The following UFSP2 variants were observed in gnomAD, a reference collection of about 807,000 sequenced individuals.
UFSP2 encodes ufm1-specific protease 2.
A neutral mutation model predicts 60.2 loss-of-function variants in UFSP2; 43 were observed. The observed-to-expected ratio is 0.71, with a 90% confidence interval of 0.56 to 0.92. The LOEUF (loss-of-function observed/expected upper bound fraction) is 0.92. UFSP2 is among the 40% of genes least tolerant of loss of function. UFSP2 has a pLI of 0.00. For synonymous variants in UFSP2, 183 were observed against 195.1 expected (o/e 0.94, Z 0.52); for missense variants, 520 against 575.0 (o/e 0.90, Z 0.98).
intron 4 of UFSP2, among the ~76,000 whole-genome samples, chr4:185,417,915 G>A (rs1329836213): frequency 6.6e-6 from 1 of 151,980 alleles, no homozygotes; most frequent in African/African-American, 2.4e-5. Context: ...ATGGTGGCAG[G>A]TGCCTGTAAT....
At position 185,403,479 on chromosome 4, in the gene UFSP2, T is replaced by G; in HGVS notation, c.1323+15A>C. 4 of 1,609,128 alleles carry G rather than the reference T, an allele frequency of 2.5e-6. No homozygotes were observed. The highest frequency in any genetic ancestry group is 3.4e-6 in the Non-Finnish European group (4 of 1,178,546). On this transcript the variant is annotated intron_variant, in intron 11 of 11. Coordinates refer to ENST00000264689, the MANE Select transcript of UFSP2 (RefSeq NM_018359.5). ...CTTTGCCTTTTGTCTCAATTTGTGT[T>G]AAATGGATACTTACCTTTTCCAAAA...
At chr4:185,404,043 C>CA (rs1250577441) in intron 10 of UFSP2, among the ~76,000 whole-genome samples, 1 of 150,152 alleles carries the variant, frequency 6.7e-6, no homozygotes, top group Non-Finnish European at 1.5e-5. Context: ...GACTACCCTA[C>CA]ACTATAAAAG....
chr4:185,423,763 CAT>C (rs777762052), intron 1 of UFSP2, among the ~76,000 whole-genome samples: 2 of 151,914 alleles, frequency 1.3e-5, no homozygotes, highest in Non-Finnish European at 2.9e-5. Flanking sequence ...TTTGTGTACA[CAT>C]ATATACACAC....
At chr4:185,411,631 A>G (rs944874037) in intron 7 of UFSP2, among the ~76,000 whole-genome samples, 4 of 152,214 alleles carry the variant, frequency 2.6e-5, no homozygotes, top group African/African-American at 9.7e-5. Flanking sequence ...AAGGGTAAAT[A>G]ATATATCTAT....
chr4:185,417,015 T>C (rs1463374493), intron 4 of UFSP2, among the ~76,000 whole-genome samples: 1 of 152,220 alleles, frequency 6.6e-6, no homozygotes, highest in East Asian at 1.9e-4. Context: ...ATGTAGTTTC[T>C]TCCCACAAGA....
chr4:185,423,138 C>T (rs1170360598), intron 1 of UFSP2, among the ~76,000 whole-genome samples: 1 of 152,200 alleles, frequency 6.6e-6, no homozygotes, highest in Non-Finnish European at 1.5e-5. Context: ...GGATTGCAGG[C>T]GTGAGCCACC....
intron 1 of UFSP2, among the ~76,000 whole-genome samples, chr4:185,423,920 C>T (rs1454600629): frequency 6.6e-6 from 1 of 152,116 alleles, no homozygotes; most frequent in African/African-American, 2.4e-5. Context: ...AAACATATCT[C>T]TCAAACAGGC....
intron 7 of UFSP2, among the ~76,000 whole-genome samples, chr4:185,410,447 G>C (rs1382160257): frequency 6.6e-6 from 1 of 151,154 alleles, no homozygotes; most frequent in East Asian, 2.0e-4. Flanking sequence ...TCAGGAGTTC[G>C]AGACCAGCCT....
intron 1 of UFSP2, among the ~76,000 whole-genome samples, chr4:185,425,392 G>T (rs1429023828): frequency 1.3e-5 from 2 of 152,124 alleles, no homozygotes; most frequent in Non-Finnish European, 2.9e-5. Flanking sequence ...CTAACTTAGA[G>T]ATAAAATTTT....
intron 11 of UFSP2, among the ~76,000 whole-genome samples, chr4:185,400,945 G>C (rs558823088): frequency 2.0e-4 from 31 of 152,250 alleles, no homozygotes; most frequent in Admixed American, 1.0e-3. Context: ...CAAATTCCAG[G>C]TGTTACTCAA....
In UFSP2 at chr4:185,400,039, G is replaced by A. The variant is rs767302840; in HGVS notation, c.*353C>T. ...CAGATGTCACGTGGGTTATGAAGAAGTCTGAAGAACGCCTTCATTTCATGC... is the reference window on the plus strand; with the variant it reads ...CAGATGTCACGTGGGTTATGAAGAAATCTGAAGAACGCCTTCATTTCATGC... On this transcript the variant is annotated 3_prime_UTR_variant, in exon 12 of 12. Transcript: ENST00000264689. 6.3e-7 allele frequency: 1 copy of A among 1,588,270 alleles called. No individual in the cohort carries two copies. Among genetic ancestry groups the A allele is most frequent in the Non-Finnish European group, 8.6e-7 (1 of 1,163,756 alleles).
intron 7 of UFSP2, 141 bp from the exon 8 acceptor site, chr4:185,408,576 G>T: frequency 1.1e-6 from 1 of 871,208 alleles, no homozygotes; most frequent in Non-Finnish European, 1.7e-6. Context: ...ACAGATCTAT[G>T]GTTTAACATT....
intron 10 of UFSP2, 101 bp downstream of exon 10, chr4:185,405,679 A>G: frequency 7.3e-7 from 1 of 1,373,644 alleles, no homozygotes; most frequent in South Asian, 1.3e-5. Context: ...TAATTTCAAA[A>G]TTTTTTAAAT....
At chr4:185,420,702 T>G (rs2095547858) in intron 2 of UFSP2, among the ~76,000 whole-genome samples, 1 of 152,236 alleles carries the variant, frequency 6.6e-6, no homozygotes, top group African/African-American at 2.4e-5. Context: ...AAGGACTATT[T>G]GGTAAAGTTA....
At chr4:185,403,037 C>T (rs1023228342) in intron 11 of UFSP2, among the ~76,000 whole-genome samples, 3 of 152,160 alleles carry the variant, frequency 2.0e-5, no homozygotes, top group Non-Finnish European at 4.4e-5. Flanking sequence ...GTATCAACTT[C>T]AAACCCTTTA....
intron 1 of UFSP2, among the ~76,000 whole-genome samples, chr4:185,425,555 C>G (rs1055807008): frequency 7.2e-5 from 11 of 152,210 alleles, no homozygotes; most frequent in African/African-American, 2.7e-4. Context: ...AAAGTTGCGC[C>G]TGTCCCAGGT....
Position 185,399,982 on chromosome 4 carries a change from A to T in UFSP2, c.*410T>A. 6.3e-7 allele frequency: 1 copy of T among 1,597,212 alleles called. No homozygotes were observed. Among genetic ancestry groups the T allele is most frequent in the Non-Finnish European group, 8.5e-7 (1 of 1,175,562 alleles). ...TTTGGGGATAAAACTCTTTTTAAAA[A>T]AAAGTTTTTAATGTTAACGTGTTTT... On this transcript the variant is annotated 3_prime_UTR_variant, in exon 12 of 12. Transcript: ENST00000264689.
chr4:185,413,964 T>A, intron 6 of UFSP2, 92 bp from the exon 7 acceptor site: 1 of 1,173,826 alleles, frequency 8.5e-7, no homozygotes, highest in Non-Finnish European at 1.1e-6. Flanking sequence ...CATGGAAAAT[T>A]ATATATAGGT....
Position 185,418,639 on chromosome 4 carries a change from G to A in UFSP2, c.214C>T (p.Pro72Ser). The A allele has an allele frequency of 6.2e-7, 1 of 1,613,864 alleles. No individual in the cohort carries two copies. Among genetic ancestry groups the A allele is most frequent in the South Asian group, 1.1e-5 (1 of 90,990 alleles). Residue 72 changes from proline to serine, a missense_variant, in exon 3 of 12, where the codon CCT becomes TCT. Coordinates refer to ENST00000264689, the MANE Select transcript of UFSP2 (RefSeq NM_018359.5). ...GCAGAAGCATCAGTCAGTTCTCCAG[G>A]AATGGTGTTTATGTCACTGCTAGGC... Reference protein sequence around the residue: ...IWPSSDINTIPGELTDASACK... With the variant: ...IWPSSDINTISGELTDASACK...
Sources: gnomAD v4.1 joint callset for allele counts (sites outside exome capture counted in the v4.1 genomes callset) on GRCh38, gnomAD v4.1.1 for gene constraint, MANE v1.5 for transcripts, NCBI Gene and HGNC (gene_info 2026-07-23, HGNC 2026-07-21) for gene names.